Variants in RAP1GDS1 observed in about 807,000 individuals in gnomAD.
RAP1GDS1 encodes the protein RAP1, GTP-GDP dissociation stimulator 1.
In RAP1GDS1, 35 loss-of-function variants were observed where a neutral mutation model predicts 71.1. The observed-to-expected ratio is 0.49, with a 90% CI of 0.38 to 0.65. RAP1GDS1 has a LOEUF of 0.65. Ranked by LOEUF, RAP1GDS1 falls within the 30% of genes least tolerant of loss-of-function variation. The probability of loss-of-function intolerance (pLI) is 0.00; values close to 1 mark genes in which losing one functional copy is unlikely to be tolerated. For synonymous variants in RAP1GDS1, 229 were observed against 243.1 expected (o/e 0.94, Z 0.54); for missense variants, 663 against 706.1 (o/e 0.94, Z 0.69).
chr4:98,290,767 A>G (rs746232962), intron 1 of RAP1GDS1, among the ~76,000 whole-genome samples: 2 of 152,212 alleles, frequency 1.3e-5, no homozygotes, highest in East Asian at 1.9e-4. Flanking sequence ...CAAATGTATC[A>G]AGGCCTAAAA....
chr4:98,292,514 T>G (rs1354720185), intron 1 of RAP1GDS1, among the ~76,000 whole-genome samples: 1 of 151,682 alleles, frequency 6.6e-6, no homozygotes, highest in Non-Finnish European at 1.5e-5. Context: ...CACATGTTTA[T>G]GTAACAAAAC....
intron 4 of RAP1GDS1, among the ~76,000 whole-genome samples, chr4:98,362,866 A>T (rs943634627): frequency 3.9e-5 from 6 of 152,238 alleles, no homozygotes; most frequent in African/African-American, 1.2e-4. Flanking sequence ...TGGTGTATAC[A>T]TACTACAATT....
rs375410693 is a variant in RAP1GDS1 at position 98,337,905 on chromosome 4, T to G, written c.113-5234T>G. Among the ~76,000 whole-genome samples the G allele has an allele frequency of 3.3e-5, 5 of 152,310 alleles. No individual in the cohort carries two copies. The South Asian group carries it at 1.0e-3, about 32-fold the overall frequency. Reference sequence around the variant, plus strand: ...AGGAAATATGGATGTGCTTGAATGTTTAATGAAAAGATGTGGAGGATTGCT... The same window carrying G: ...AGGAAATATGGATGTGCTTGAATGTGTAATGAAAAGATGTGGAGGATTGCT... On this transcript the variant is annotated intron_variant, in intron 2 of 14. Transcript: ENST00000408927.
At chr4:98,276,402 T>G (rs2110241223) in intron 1 of RAP1GDS1, among the ~76,000 whole-genome samples, 1 of 152,274 alleles carries the variant, frequency 6.6e-6, no homozygotes, top group East Asian at 1.9e-4. Flanking sequence ...TTTGTAACGG[T>G]TTTCCATTAC....
chr4:98,331,383 A>G (rs528120988), intron 2 of RAP1GDS1, among the ~76,000 whole-genome samples: 2 of 152,014 alleles, frequency 1.3e-5, no homozygotes, highest in Admixed American at 6.5e-5. Flanking sequence ...GGAGAGAGAG[A>G]GGGAGAGGGA....
chr4:98,363,043 T>G (rs1211288796), intron 4 of RAP1GDS1, among the ~76,000 whole-genome samples: 1 of 152,130 alleles, frequency 6.6e-6, no homozygotes, highest in Non-Finnish European at 1.5e-5. Context: ...TAGATTGTGA[T>G]GACTGACATC....
chr4:98,369,396 C>T (rs1740016363), intron 4 of RAP1GDS1, among the ~76,000 whole-genome samples: 1 of 152,014 alleles, frequency 6.6e-6, no homozygotes, highest in African/African-American at 2.4e-5. Flanking sequence ...AGATACTTGC[C>T]CAAAGACTTA....
chr4:98,352,704 A>T, intron 4 of RAP1GDS1, 103 bp downstream of exon 4: 1 of 1,271,798 alleles, frequency 7.9e-7, no homozygotes, highest in South Asian at 1.5e-5. Flanking sequence ...CTAAAACACT[A>T]ACATGGGCCG....
intron 11 of RAP1GDS1, among the ~76,000 whole-genome samples, chr4:98,420,444 C>A (rs1432428501): frequency 6.6e-6 from 1 of 151,912 alleles, no homozygotes; most frequent in Non-Finnish European, 1.5e-5. Flanking sequence ...CAGCTCACCG[C>A]AACTTCCGCC....
intron 2 of RAP1GDS1, among the ~76,000 whole-genome samples, chr4:98,318,003 C>T (rs947741554): frequency 7.9e-5 from 12 of 151,914 alleles, no homozygotes; most frequent in East Asian, 3.9e-4. Flanking sequence ...CCACCACGCC[C>T]GGCTAATTTT....
At chr4:98,346,806 A>G (rs1479032488) in intron 3 of RAP1GDS1, among the ~76,000 whole-genome samples, 1 of 152,180 alleles carries the variant, frequency 6.6e-6, no homozygotes, top group Non-Finnish European at 1.5e-5. Flanking sequence ...GGTCTCCCAA[A>G]GTGCTGGGAT....
rs1408862070 is a variant in RAP1GDS1 at position 98,331,226 on chromosome 4, A to C, written c.113-11913A>C. ...CAGGAGAATCAGGCAGGGAGGTTGC[A>C]GTGAGCCGAGATCACGGCAGTACAG... On this transcript the variant is annotated intron_variant, in intron 2 of 14. Coordinates refer to ENST00000408927, the MANE Select transcript of RAP1GDS1 (RefSeq NM_001100427.2). 2.6e-5 allele frequency among the ~76,000 whole-genome samples: 4 copies of C among 152,156 alleles called. No individual in the cohort carries two copies. In the East Asian group the frequency reaches 5.8e-4, roughly 22 times the overall value.
chr4:98,272,778 G>C (rs1410166972), intron 1 of RAP1GDS1, among the ~76,000 whole-genome samples: 8 of 152,028 alleles, frequency 5.3e-5, no homozygotes, highest in Admixed American at 5.2e-4. Context: ...ATCTCCAGTT[G>C]TATAAAATCC....
chr4:98,349,680 C>T (rs945362950), intron 3 of RAP1GDS1, among the ~76,000 whole-genome samples: 1 of 152,192 alleles, frequency 6.6e-6, no homozygotes. Context: ...AGAGGTCATT[C>T]ACATCCCTTG....
At chr4:98,271,261 C>T (rs537592118) in intron 1 of RAP1GDS1, among the ~76,000 whole-genome samples, 212 of 152,222 alleles carry the variant, frequency 1.4e-3, no homozygotes, top group African/African-American at 4.8e-3. Flanking sequence ...TTGTATTTAG[C>T]AGATTAGTAG....
chr4:98,366,276 G>T (rs1247583247), intron 4 of RAP1GDS1, among the ~76,000 whole-genome samples: 1 of 152,076 alleles, frequency 6.6e-6, no homozygotes, highest in Non-Finnish European at 1.5e-5. Context: ...TCGTGCACAA[G>T]CTCTCTTTGC....
At chr4:98,375,041 A>G (rs1252757715) in intron 4 of RAP1GDS1, among the ~76,000 whole-genome samples, 1 of 152,208 alleles carries the variant, frequency 6.6e-6, no homozygotes, top group Non-Finnish European at 1.5e-5. Flanking sequence ...CTGCTGTAAC[A>G]AAGTACCACA....
intron 12 of RAP1GDS1, among the ~76,000 whole-genome samples, chr4:98,429,391 CAG>C (rs1017214199): frequency 4.6e-5 from 7 of 152,058 alleles, no homozygotes; most frequent in Non-Finnish European, 8.8e-5. Flanking sequence ...TATTCTGACT[CAG>C]GGGTGGAAAC....
chr4:98,340,853 A>G (rs1251808515), intron 2 of RAP1GDS1, among the ~76,000 whole-genome samples: 2 of 152,108 alleles, frequency 1.3e-5, no homozygotes, highest in African/African-American at 4.8e-5. Flanking sequence ...AGGGAACAGC[A>G]GACACTGGGA....
Sources: allele counts gnomAD v4.1 joint callset (sites outside exome capture counted in the v4.1 genomes callset), GRCh38; gene constraint gnomAD v4.1.1; transcripts MANE v1.5; gene names NCBI Gene and HGNC (gene_info 2026-07-23, HGNC 2026-07-21).